The following ARHGAP22 variants were observed in gnomAD, a reference collection of about 807,000 sequenced individuals.
The protein encoded by ARHGAP22 is rho GTPase-activating protein 22.
ARHGAP22 carries 48 observed loss-of-function variants against 59.1 expected under a neutral mutation model. The ratio of observed to expected loss-of-function variants is 0.81; its 90% CI spans 0.64 to 1.03. The LOEUF (loss-of-function observed/expected upper bound fraction) is 1.03, where lower values mean the gene tolerates loss of function less well. ARHGAP22 is among the 50% of genes least tolerant of loss of function. ARHGAP22 has a pLI of 0.00. For missense variants in ARHGAP22, 1,015 were observed against 958.7 expected, an observed-to-expected ratio of 1.06 and a Z score of -0.78; for synonymous variants, 445 against 416.4, an observed-to-expected ratio of 1.07 and a Z score of -0.84.
intron 1 of ARHGAP22, among the ~76,000 whole-genome samples, chr10:48,620,076 C>T (rs540460779): frequency 1.3e-5 from 2 of 152,192 alleles, no homozygotes; most frequent in Non-Finnish European, 2.9e-5. Context: ...GTGTGATACA[C>T]TTTAGTGTAT....
intron 4 of ARHGAP22, chr10:48,466,763 G>T (rs1332976657): frequency 1.3e-5 from 2 of 151,294 alleles, no homozygotes; most frequent in African/African-American, 4.8e-5. Context: ...GCCCCGGCCA[G>T]CGCCGCCCCA....
the ARHGAP22 span, chr10:48,434,866 T>G: frequency 1.9e-6 from 3 of 1,590,864 alleles, no homozygotes; most frequent in East Asian, 2.3e-5. Flanking sequence ...ATTTGCTGTT[T>G]TGTTTCTCAT....
At chr10:48,633,997 G>C (rs1471828853) in intron 1 of ARHGAP22, among the ~76,000 whole-genome samples, 1 of 152,154 alleles carries the variant, frequency 6.6e-6, no homozygotes, top group Non-Finnish European at 1.5e-5. Flanking sequence ...CTTCTTCCTG[G>C]CCACCAGGAT....
At chr10:48,534,430 A>G (rs890651332) in intron 3 of ARHGAP22, among the ~76,000 whole-genome samples, 1 of 152,220 alleles carries the variant, frequency 6.6e-6, no homozygotes, top group East Asian at 1.9e-4. Context: ...AAAGAGCAGG[A>G]GGCCATGGGG....
intron 3 of ARHGAP22, among the ~76,000 whole-genome samples, chr10:48,523,834 AC>A (rs2134785911): frequency 6.6e-6 from 1 of 151,930 alleles, no homozygotes; most frequent in East Asian, 2.0e-4. Context: ...CCACATGGGG[AC>A]CGAGGAGCCC....
intron 1 of ARHGAP22, among the ~76,000 whole-genome samples, chr10:48,587,312 C>T (rs984599109): frequency 2.0e-5 from 3 of 152,244 alleles, no homozygotes; most frequent in Non-Finnish European, 2.9e-5. Flanking sequence ...CAAGTGTTAT[C>T]AGGACCCCTG....
chr10:48,562,346 T>C (rs1333491737), intron 2 of ARHGAP22, among the ~76,000 whole-genome samples: 1 of 152,202 alleles, frequency 6.6e-6, no homozygotes, highest in Non-Finnish European at 1.5e-5. Flanking sequence ...ATGCAAATCA[T>C]TGCAGTTTTA....
intron 1 of ARHGAP22, among the ~76,000 whole-genome samples, chr10:48,594,376 GTC>G (rs1168589316): frequency 6.6e-6 from 1 of 152,212 alleles, no homozygotes; most frequent in African/African-American, 2.4e-5. Context: ...CCTCCACCCC[GTC>G]TCTCTCTTGC....
At chr10:48,563,345 C>T (rs1564889554) in intron 2 of ARHGAP22, among the ~76,000 whole-genome samples, 1 of 152,086 alleles carries the variant, frequency 6.6e-6, no homozygotes, top group Non-Finnish European at 1.5e-5. Flanking sequence ...AGGCGCCCAC[C>T]ACCACGCCTG....
intron 3 of ARHGAP22, among the ~76,000 whole-genome samples, chr10:48,486,145 A>G (rs2049839465): frequency 6.6e-6 from 1 of 152,038 alleles, no homozygotes; most frequent in South Asian, 2.1e-4. Flanking sequence ...GGTTTATGGT[A>G]TACATCTTTA....
At chr10:48,526,773 G>A (rs901997621) in intron 3 of ARHGAP22, among the ~76,000 whole-genome samples, 14 of 152,182 alleles carry the variant, frequency 9.2e-5, no homozygotes, top group African/African-American at 3.4e-4. Flanking sequence ...ATTATAAAGG[G>A]TCAACGTCCC....
intron 3 of ARHGAP22, among the ~76,000 whole-genome samples, chr10:48,489,730 C>CTT (rs377099863): frequency 0.016 from 1,961 of 119,496 alleles, 67 homozygotes; most frequent in African/African-American, 0.047. Flanking sequence ...GAGGCTGCCT[C>CTT]TTTTTTTTTT....
chr10:48,618,478 G>A (rs1213238679), intron 1 of ARHGAP22, among the ~76,000 whole-genome samples: 1 of 151,984 alleles, frequency 6.6e-6, no homozygotes, highest in African/African-American at 2.4e-5. Flanking sequence ...CCAGCAGCAT[G>A]TTAAAAAGAT....
intron 1 of ARHGAP22, among the ~76,000 whole-genome samples, chr10:48,612,840 C>A (rs1404074718): frequency 6.6e-6 from 1 of 152,172 alleles, no homozygotes; most frequent in African/African-American, 2.4e-5. Context: ...ATGGTGCAGT[C>A]CCCCACTTTT....
chr10:48,612,661 A>AGAAATCCTC (rs2135980376), intron 1 of ARHGAP22, among the ~76,000 whole-genome samples: 1 of 152,372 alleles, frequency 6.6e-6, no homozygotes, highest in South Asian at 2.1e-4. Flanking sequence ...CCTCCAGCTT[A>AGAAATCCTC]CAAAGGATTT....
At chr10:48,472,544 T>C (rs2048329378) in intron 4 of ARHGAP22, among the ~76,000 whole-genome samples, 1 of 151,704 alleles carries the variant, frequency 6.6e-6, no homozygotes, top group African/African-American at 2.4e-5. Flanking sequence ...TAAAATAAAA[T>C]AAAACAAAAT....
At chr10:48,540,166 T>G (rs766318998) in intron 3 of ARHGAP22, among the ~76,000 whole-genome samples, 21 of 152,238 alleles carry the variant, frequency 1.4e-4, no homozygotes, top group Non-Finnish European at 2.4e-4. Flanking sequence ...ACCATCATTT[T>G]CTAGCCATCT....
chr10:48,589,448 TA>T (rs1281059555), intron 1 of ARHGAP22, among the ~76,000 whole-genome samples: 1 of 152,212 alleles, frequency 6.6e-6, no homozygotes, highest in Non-Finnish European at 1.5e-5. Context: ...GCCCGGATCT[TA>T]CTCAGGAGCT....
upstream of ARHGAP22, chr10:48,656,123 C>T: frequency 6.6e-6 from 1 of 152,544 alleles, no homozygotes; most frequent in Non-Finnish European, 1.5e-5. Context: ...GAGCTCCCGG[C>T]CCGCTCCTTT....
Sources: gnomAD v4.1 joint callset for allele counts (sites outside exome capture counted in the v4.1 genomes callset) on GRCh38, gnomAD v4.1.1 for gene constraint, MANE v1.5 for transcripts, NCBI Gene and HGNC (gene_info 2026-07-23, HGNC 2026-07-21) for gene names.